The following LRRC56 variants were observed in gnomAD, a reference collection of about 807,000 sequenced individuals.
The protein encoded by LRRC56 is leucine-rich repeat-containing protein 56.
Under a neutral mutation model 47.8 loss-of-function variants are expected in LRRC56, and 41 were observed. The ratio of observed to expected loss-of-function variants is 0.86; its 90% CI spans 0.67 to 1.11. The LOEUF is 1.11. Ranked by LOEUF, LRRC56 falls within the 50% of genes most tolerant of loss-of-function variation. The probability of loss-of-function intolerance (pLI) is 0.00; values close to 1 mark genes in which losing one functional copy is unlikely to be tolerated. For synonymous variants in LRRC56, 387 were observed against 311.2 expected (o/e 1.24, Z -2.56); for missense variants, 759 against 704.2 (o/e 1.08, Z -0.88).
the LRRC56 span, among the ~76,000 whole-genome samples, chr11:524,172 A>T: frequency 6.6e-6 from 1 of 152,224 alleles, no homozygotes; most frequent in East Asian, 1.9e-4. Context: ...AAGAAGACTC[A>T]CATAACCCAA....
At chr11:534,403 GCC>G (rs1851329179), upstream of LRRC56, 1 of 1,103,378 alleles carries the variant, frequency 9.1e-7, no homozygotes, top group African/African-American at 1.6e-5. Flanking sequence ...GCTCAGCCAG[GCC>G]CAGGCCCAGC....
the LRRC56 span, among the ~76,000 whole-genome samples, chr11:516,159 C>T: frequency 6.6e-6 from 1 of 151,482 alleles, no homozygotes; most frequent in African/African-American, 2.4e-5. Context: ...TTTGGGAGGC[C>T]GAGGTGGGTG....
Position 554,330 on chromosome 11 carries a change from T to C in LRRC56, c.*54T>C, listed in dbSNP as rs1039093744. 1.2e-5 allele frequency: 17 copies of C among 1,419,786 alleles called. No homozygotes were observed. Among genetic ancestry groups the C allele is most frequent in the Non-Finnish European group, 1.6e-5 (17 of 1,079,268 alleles). 87.9% of individuals were successfully genotyped at this position (1,419,786 alleles called of 1,614,324 possible). On this transcript the variant is annotated 3_prime_UTR_variant, in exon 14 of 14. Transcript: ENST00000270115. ...GCTGGGGCCACGACTTGCCCACATA[T>C]GTGGTCACAGAGCACAGAATACCTG...
At chr11:507,376 C>T in the LRRC56 span, 1 of 150,322 alleles carries the variant, frequency 6.7e-6, no homozygotes, top group Non-Finnish European at 1.5e-5. Flanking sequence ...TAAGCACAGT[C>T]TTGGCGCAGC....
At chr11:535,554 G>C (rs1382489544), upstream of LRRC56, 1 of 148,706 alleles carries the variant, frequency 6.7e-6, no homozygotes, top group Non-Finnish European at 1.5e-5. Context: ...CAGGGCACGG[G>C]CGGCGGAGAC....
chr11:535,527 G>A (rs985664217), upstream of LRRC56: 1 of 147,982 alleles, frequency 6.8e-6, no homozygotes, highest in Non-Finnish European at 1.5e-5. Flanking sequence ...CGGCGGGTGC[G>A]GCTCGGGTTG....
At position 552,617 on chromosome 11, in the gene LRRC56, C is replaced by T. The variant is rs1349732010; in HGVS notation, c.1230C>T (p.Ala410=). The change falls in exon 13 of 14, where the codon GCC becomes GCT. Residue 410 remains alanine (A), a synonymous_variant. Transcript: ENST00000270115. ...AGTCCCAACAGGAAGGGGCTGTAGC[C>T]CCCTGGGGCCCACGGAGGGTCCCTG... ...HPESQQEGAV[A]PWGPRRVPEE... is the part of the protein sequence containing the mutation. 4.3e-6 allele frequency: 7 copies of T among 1,610,290 alleles called. No individual in the cohort carries two copies. The highest frequency in any genetic ancestry group is 2.2e-5 in the East Asian group (1 of 44,830).
upstream of LRRC56, chr11:537,365 T>C (rs56012779): frequency 0.24 from 37,259 of 152,194 alleles, 5,015 homozygotes; most frequent in African/African-American, 0.35. Context: ...CACGTGCCAG[T>C]CCACGTGGCC....
At chr11:543,188 C>T (rs1317335885) in intron 5 of LRRC56, among the ~76,000 whole-genome samples, 4 of 142,172 alleles carry the variant, frequency 2.8e-5, no homozygotes, top group African/African-American at 8.2e-5. Context: ...GGATGAGCCA[C>T]CGCGCCTGGC....
At chr11:515,776 T>G in the LRRC56 span, among the ~76,000 whole-genome samples, 1 of 152,156 alleles carries the variant, frequency 6.6e-6, no homozygotes, top group East Asian at 1.9e-4. Flanking sequence ...AGACAGAGGT[T>G]GCAGTGAGTC....
the LRRC56 span, among the ~76,000 whole-genome samples, chr11:508,161 GCC>G: frequency 6.6e-6 from 1 of 152,218 alleles, no homozygotes; most frequent in Non-Finnish European, 1.5e-5. Flanking sequence ...TCCTCTGACT[GCC>G]TTTATTAGGT....
the LRRC56 span, among the ~76,000 whole-genome samples, chr11:530,254 G>A: frequency 6.6e-6 from 1 of 152,226 alleles, no homozygotes; most frequent in South Asian, 2.1e-4. Context: ...CAGGTCCAGA[G>A]ATACCTCCTG....
chr11:551,787 G>A lies in LRRC56; in HGVS notation c.933G>A (p.Glu311=), dbSNP rs145496990. The A allele has an allele frequency of 2.5e-4, 406 of 1,609,422 alleles. No individual in the cohort carries two copies. Among genetic ancestry groups the A allele is most frequent in the Non-Finnish European group, 3.2e-4 (382 of 1,178,094 alleles). Residue 311 remains glutamate, a synonymous_variant, in exon 10 of 14, where the codon GAG becomes GAA. Coordinates refer to ENST00000270115, the MANE Select transcript of LRRC56 (RefSeq NM_198075.4). ...GGPLPEGLLS[E]DLAPEDNTSS... ...CCCTGCCTGAAGGCCTGCTTTCTGA[G>A]GACCTGGCCCCAGAAGATAACACCA...
chr11:541,520 C>T lies in LRRC56; in HGVS notation c.178-17C>T. 1 of 1,510,194 alleles carries T rather than the reference C, an allele frequency of 6.6e-7. No homozygotes were observed. The highest frequency in any genetic ancestry group is 1.4e-5 in the African/African-American group (1 of 71,186). The allele number at this position is 1,510,194 out of a possible 1,614,324, so 93.5% of individuals were successfully genotyped here. The stretch of plus-strand genomic sequence containing the variant: ...GGAGAGCCAGGACCAGCGCTGACCC[C>T]CGGTTGGTTTCTACAGCAGGCCCTG... On this transcript the variant is annotated splice_polypyrimidine_tract_variant and intron_variant, in intron 4 of 13. Coordinates refer to ENST00000270115, the MANE Select transcript of LRRC56 (RefSeq NM_198075.4). The surrounding 1 kb of genome is among the most constrained non-coding windows in gnomAD (Gnocchi z 4.1).
chr11:539,396 T>TTTTTTG, intron 2 of LRRC56, among the ~76,000 whole-genome samples, 184 bp from the exon 3 acceptor site: 1 of 135,332 alleles, frequency 7.4e-6, no homozygotes, highest in Non-Finnish European at 1.6e-5. Context: ...TTTTTTTTTT[T>TTTTTTG]TTTTTTGAGA....
the LRRC56 span, among the ~76,000 whole-genome samples, chr11:508,668 G>C: frequency 6.6e-6 from 1 of 151,884 alleles, no homozygotes; most frequent in Non-Finnish European, 1.5e-5. Flanking sequence ...TTGGGAGGCT[G>C]AGGCAGGAGA....
chr11:536,728 G>C (rs894411472), upstream of LRRC56: 1 of 152,276 alleles, frequency 6.6e-6, no homozygotes, highest in African/African-American at 2.4e-5. Context: ...CCGAAATCGC[G>C]CCACTGCACT....
At chr11:526,426 C>T in the LRRC56 span, among the ~76,000 whole-genome samples, 3 of 152,058 alleles carry the variant, frequency 2.0e-5, no homozygotes, top group Non-Finnish European at 4.4e-5. Flanking sequence ...GCAAGGGGCC[C>T]GGCACGCTGG....
chr11:524,564 G>A, the LRRC56 span, among the ~76,000 whole-genome samples: 1 of 152,082 alleles, frequency 6.6e-6, no homozygotes, highest in East Asian at 1.9e-4. Context: ...CCGGGAGGCG[G>A]AGGTTGTAGT....
Sources: allele counts gnomAD v4.1 joint callset (sites outside exome capture counted in the v4.1 genomes callset), GRCh38; gene constraint gnomAD v4.1.1; non-coding constraint Gnocchi (gnomAD v3.1); transcripts MANE v1.5; gene names NCBI Gene and HGNC (gene_info 2026-07-23, HGNC 2026-07-21).